The following SEMA5B variants were observed in gnomAD, a reference collection of about 807,000 sequenced individuals.
SEMA5B encodes semaphorin-5B.
SEMA5B carries 66 observed loss-of-function variants against 135.0 expected under a neutral mutation model. That is an observed-to-expected ratio of 0.49 (90% CI 0.40 to 0.60). The LOEUF (loss-of-function observed/expected upper bound fraction) is 0.60. Among genes scored for constraint, SEMA5B ranks in the 20% least tolerant of loss-of-function variants. SEMA5B has a pLI of 0.00. For missense variants in SEMA5B, 1,501 were observed against 1,566.3 expected (o/e 0.96, Z 0.70); for synonymous variants, 690 against 639.5 (o/e 1.08, Z -1.19).
chr3:123,022,208 A>T (rs1345336627), intron 1 of SEMA5B, among the ~76,000 whole-genome samples: 1 of 152,056 alleles, frequency 6.6e-6, no homozygotes, highest in East Asian at 1.9e-4. Flanking sequence ...CAGCCTCCCC[A>T]CTCTGTAACT....
intron 1 of SEMA5B, among the ~76,000 whole-genome samples, chr3:123,009,307 G>A (rs1942384355): frequency 6.6e-6 from 1 of 152,100 alleles, no homozygotes; most frequent in South Asian, 2.1e-4. Context: ...ACTCACAGTG[G>A]GGGTGTCTTT....
intron 1 of SEMA5B, among the ~76,000 whole-genome samples, chr3:123,016,383 A>G (rs1942557190): frequency 6.6e-6 from 1 of 152,208 alleles, no homozygotes; most frequent in Non-Finnish European, 1.5e-5. Flanking sequence ...AGTTCCTTAT[A>G]TAAAATGGTG....
At chr3:123,007,156 A>T (rs1347644685) in intron 1 of SEMA5B, among the ~76,000 whole-genome samples, 1 of 152,036 alleles carries the variant, frequency 6.6e-6, no homozygotes, top group Admixed American at 6.6e-5. Flanking sequence ...ACACCTACTC[A>T]TGCACACGGG....
At chr3:122,928,875 G>T (rs928668464) in intron 6 of SEMA5B, 121 bp downstream of exon 6, 1 of 1,000,484 alleles carries the variant, frequency 1.0e-6, no homozygotes, top group Non-Finnish European at 1.5e-6. Flanking sequence ...AGGAGCCCCA[G>T]CTCATCCTGG....
chr3:122,970,555 TATTTGCAA>T (rs1485188166), intron 1 of SEMA5B, among the ~76,000 whole-genome samples: 1 of 152,250 alleles, frequency 6.6e-6, no homozygotes, highest in Non-Finnish European at 1.5e-5. Flanking sequence ...TACCTTTTAG[TATTTGCAA>T]GCCTCTTTTT....
chr3:122,946,008 A>G (rs368411945), intron 3 of SEMA5B, among the ~76,000 whole-genome samples: 2 of 152,278 alleles, frequency 1.3e-5, no homozygotes, highest in South Asian at 2.1e-4. Flanking sequence ...TAAACAGGCC[A>G]AGGGGACCAG....
chr3:122,923,376 G>A (rs1015840648), intron 10 of SEMA5B, among the ~76,000 whole-genome samples: 1 of 152,222 alleles, frequency 6.6e-6, no homozygotes, highest in African/African-American at 2.4e-5. Flanking sequence ...CCCTGGAGGT[G>A]TGGGCTCACA....
chr3:122,995,002 G>C (rs115316848), intron 1 of SEMA5B, among the ~76,000 whole-genome samples: 6,725 of 152,294 alleles, frequency 0.044, 179 homozygotes, highest in Middle Eastern at 0.078. Context: ...GGAGCTGAGA[G>C]GGGTGTTTAG....
At chr3:122,987,135 G>T (rs1941726204) in intron 1 of SEMA5B, among the ~76,000 whole-genome samples, 1 of 152,166 alleles carries the variant, frequency 6.6e-6, no homozygotes, top group African/African-American at 2.4e-5. Context: ...ATGGGCTGGG[G>T]TTTGAGGACC....
intron 1 of SEMA5B, among the ~76,000 whole-genome samples, chr3:123,014,340 T>A (rs1313296440): frequency 6.6e-6 from 1 of 152,194 alleles, no homozygotes; most frequent in South Asian, 2.1e-4. Context: ...GGTAGCAAAG[T>A]CCTGTCAGGC....
chr3:122,969,220 G>A (rs1560384770), intron 1 of SEMA5B, among the ~76,000 whole-genome samples: 2 of 152,212 alleles, frequency 1.3e-5, no homozygotes, highest in Admixed American at 1.3e-4. Flanking sequence ...CACACCAGAA[G>A]TGGCAGAGCC....
chr3:122,963,383 C>T (rs534991178), intron 1 of SEMA5B, among the ~76,000 whole-genome samples: 40 of 151,916 alleles, frequency 2.6e-4, no homozygotes, highest in African/African-American at 8.0e-4. Context: ...TTCCCAGCTA[C>T]TTGGGAGGCT....
intron 1 of SEMA5B, among the ~76,000 whole-genome samples, chr3:122,980,699 G>T (rs1941497101): frequency 6.6e-6 from 1 of 152,128 alleles, no homozygotes; most frequent in South Asian, 2.1e-4. Context: ...TAATCTTTCA[G>T]TGTCCAGTTC....
intron 1 of SEMA5B, among the ~76,000 whole-genome samples, chr3:122,972,241 C>T (rs1941151237): frequency 6.6e-6 from 1 of 152,168 alleles, no homozygotes; most frequent in East Asian, 1.9e-4. Context: ...CCCTGCTTTT[C>T]CAGGAAAGTA....
intron 1 of SEMA5B, among the ~76,000 whole-genome samples, chr3:122,990,699 T>C (rs1056245837): frequency 6.6e-6 from 1 of 152,148 alleles, no homozygotes. Context: ...CCTGGACCGA[T>C]GAAGAACAGG....
At chr3:122,975,236 C>G (rs1257961884) in intron 1 of SEMA5B, 2 of 152,474 alleles carry the variant, frequency 1.3e-5, no homozygotes, top group African/African-American at 4.8e-5. Context: ...CAGCTGATCC[C>G]CTGCCTGCCA....
chr3:122,983,463 G>T (rs1057299482), intron 1 of SEMA5B, among the ~76,000 whole-genome samples: 1 of 151,754 alleles, frequency 6.6e-6, no homozygotes, highest in Non-Finnish European at 1.5e-5. Flanking sequence ...GGGACGGGGC[G>T]GGGTGGTAAA....
At position 122,912,046 on chromosome 3, in the gene SEMA5B, A is replaced by C; in HGVS notation, c.2920T>G (p.Trp974Gly). Residue 974 changes from tryptophan to glycine, a missense_variant, in exon 20 of 23, where the codon TGG becomes GGG. Physicochemically the swap from Trp to Gly is radical, Grantham distance 184. Around this residue, in one of 2 missense-constraint regions of SEMA5B, gnomAD observed 927 missense variants for 881.6 expected, o/e 1.05. Coordinates refer to ENST00000357599, the MANE Select transcript of SEMA5B (RefSeq NM_001031702.4). Reference sequence around the variant, plus strand: ...GCTCCGTCGTCAGTGCACTTACTCCACTCAGACCAGGGCGACCAGCCTTCT... The same window carrying C: ...GCTCCGTCGTCAGTGCACTTACTCCCCTCAGACCAGGGCGACCAGCCTTCT... ...CPEGWSPWSEWSKCTDDGAQS... is the reference protein window; with the variant it reads ...CPEGWSPWSEGSKCTDDGAQS... The C allele has an allele frequency of 6.2e-7, 1 of 1,613,072 alleles. No individual in the cohort carries two copies. The highest frequency in any genetic ancestry group is 1.7e-5 in the Admixed American group (1 of 59,974).
intron 2 of SEMA5B, among the ~76,000 whole-genome samples, chr3:122,950,439 T>G (rs1939995610): frequency 6.6e-6 from 1 of 152,224 alleles, no homozygotes; most frequent in Non-Finnish European, 1.5e-5. Context: ...GTCTACACTC[T>G]TTCTCCTTGA....
Sources: allele counts gnomAD v4.1 joint callset (sites outside exome capture counted in the v4.1 genomes callset), GRCh38; gene constraint gnomAD v4.1.1; regional missense constraint gnomAD v4.1.1; transcripts MANE v1.5; gene names NCBI Gene and HGNC (gene_info 2026-07-23, HGNC 2026-07-21).